TTLL9: variants seen among roughly 807,000 people sequenced by gnomAD.
TTLL9 encodes the protein tubulin tyrosine ligase like 9.
In TTLL9, 47 loss-of-function variants were observed where a neutral mutation model predicts 65.6. The observed-to-expected ratio is 0.72, with a 90% CI of 0.57 to 0.91. The LOEUF is 0.91. Among genes scored for constraint, TTLL9 ranks in the 40% least tolerant of loss-of-function variants. The pLI, the probability that TTLL9 is intolerant of heterozygous loss-of-function variation, is 0.00. For synonymous variants in TTLL9, 179 were observed against 204.8 expected, an observed-to-expected ratio of 0.87 and a Z score of 1.07; for missense variants, 537 against 568.8, an observed-to-expected ratio of 0.94 and a Z score of 0.57.
At chr20:31,904,399 C>A (rs1168659041) in intron 4 of TTLL9, among the ~76,000 whole-genome samples, 1 of 140,096 alleles carries the variant, frequency 7.1e-6, no homozygotes, top group South Asian at 2.3e-4. Flanking sequence ...ACTCTGCCGC[C>A]TAGGCTGGAG....
At chr20:31,912,082 T>C (rs777167695) in intron 6 of TTLL9, among the ~76,000 whole-genome samples, 1 of 152,088 alleles carries the variant, frequency 6.6e-6, no homozygotes, top group Non-Finnish European at 1.5e-5. Context: ...CCTTACAGGG[T>C]TGTGAGAGAA....
At chr20:31,902,728 A>G (rs1034810722) in intron 4 of TTLL9, among the ~76,000 whole-genome samples, 42 of 152,134 alleles carry the variant, frequency 2.8e-4, no homozygotes, top group Non-Finnish European at 2.5e-4. Context: ...GGGTGATATG[A>G]TAACTCTATG....
intron 10 of TTLL9, among the ~76,000 whole-genome samples, chr20:31,928,519 T>C (rs1009035230): frequency 4.0e-5 from 6 of 150,778 alleles, no homozygotes; most frequent in African/African-American, 1.5e-4. Flanking sequence ...ATATAGTTTA[T>C]ACATAATTAT....
rs762813417 is a variant in TTLL9, at chr20:31,908,585, C to G, written c.207-6C>G. 6.2e-7 allele frequency: 1 copy of G among 1,606,760 alleles called. No homozygotes were observed. The highest frequency in any genetic ancestry group is 1.1e-5 in the South Asian group (1 of 90,964). ...ACCTTTATCCCCGCCCCCACCCCAC[C>G]CCCAGCGAAGGGGAGTGGGATTTCT... is the stretch of plus-strand genomic sequence containing the variant. On this transcript the variant is annotated splice_region_variant and splice_polypyrimidine_tract_variant and intron_variant, in intron 4 of 14. Transcript: ENST00000535842.
At chr20:31,896,765 A>G (rs1030731619) in intron 3 of TTLL9, among the ~76,000 whole-genome samples, 1 of 152,064 alleles carries the variant, frequency 6.6e-6, no homozygotes, top group Admixed American at 6.6e-5. Flanking sequence ...CCTGACCTCA[A>G]GTAATCTGCC....
chr20:31,906,428 T>C (rs2063560845), intron 4 of TTLL9, among the ~76,000 whole-genome samples: 1 of 152,242 alleles, frequency 6.6e-6, no homozygotes, highest in Non-Finnish European at 1.5e-5. Context: ...AGCCTCTGGA[T>C]AAGGGATATA....
intron 14 of TTLL9, among the ~76,000 whole-genome samples, chr20:31,942,001 G>A (rs1000546652): frequency 2.0e-5 from 3 of 152,136 alleles, no homozygotes; most frequent in Non-Finnish European, 2.9e-5. Flanking sequence ...AAGAAGACTC[G>A]AGAGTTAGGA....
intron 8 of TTLL9, among the ~76,000 whole-genome samples, chr20:31,924,473 A>G (rs1276213285): frequency 5.9e-5 from 9 of 151,982 alleles, no homozygotes; most frequent in African/African-American, 2.4e-5. Flanking sequence ...CATGAAGGTC[A>G]CCACTCCCCA....
chr20:31,932,471 C>CAAAAAAAAAAAAAAAAAAAAAAA (rs58783829), intron 10 of TTLL9, among the ~76,000 whole-genome samples: 3 of 86,476 alleles, frequency 3.5e-5, no homozygotes, highest in Non-Finnish European at 2.2e-5. Flanking sequence ...GACCCTGTCT[C>CAAAAAAAAAAAAAAAAAAAAAAA]AAAAAAAAAA....
chr20:31,916,565 C>T (rs2063736350), intron 6 of TTLL9, among the ~76,000 whole-genome samples: 1 of 152,278 alleles, frequency 6.6e-6, no homozygotes, highest in Non-Finnish European at 1.5e-5. Context: ...TCTCACAGAA[C>T]AAGAAGGCTG....
intron 3 of TTLL9, among the ~76,000 whole-genome samples, chr20:31,889,612 G>A (rs566819870): frequency 5.9e-5 from 9 of 152,076 alleles, no homozygotes; most frequent in African/African-American, 1.9e-4. Context: ...TAGTAGAGAC[G>A]GAGTTTCACC....
intron 3 of TTLL9, among the ~76,000 whole-genome samples, chr20:31,890,086 T>TTCCCTC (rs1568752759): frequency 1.5e-5 from 2 of 133,118 alleles, no homozygotes; most frequent in East Asian, 2.0e-4. Context: ...CTTGCTTTCT[T>TTCCCTC]GCTTTCTTTC....
intron 2 of TTLL9, among the ~76,000 whole-genome samples, chr20:31,882,282 G>A (rs566639133): frequency 1.3e-5 from 2 of 152,334 alleles, no homozygotes; most frequent in African/African-American, 4.8e-5. Flanking sequence ...GGATCAGGCA[G>A]GAATGAAGCT....
intron 8 of TTLL9, among the ~76,000 whole-genome samples, chr20:31,924,528 A>AC (rs1382078536): frequency 1.4e-5 from 2 of 139,396 alleles, no homozygotes; most frequent in Non-Finnish European, 3.1e-5. Context: ...CCCCAAGTTG[A>AC]CCCCCACGCA....
intron 3 of TTLL9, among the ~76,000 whole-genome samples, chr20:31,888,468 T>A (rs1010740949): frequency 1.3e-5 from 2 of 152,030 alleles, no homozygotes; most frequent in Non-Finnish European, 2.9e-5. Context: ...ACCTGAGACT[T>A]TTTATTTATT....
At chr20:31,878,915 T>C (rs759504131) in intron 2 of TTLL9, among the ~76,000 whole-genome samples, 2 of 152,144 alleles carry the variant, frequency 1.3e-5, no homozygotes, top group African/African-American at 2.4e-5. Flanking sequence ...TTTAGTCAAT[T>C]TTGACAAATG....
intron 6 of TTLL9, among the ~76,000 whole-genome samples, chr20:31,912,776 C>A (rs2063677118): frequency 6.6e-6 from 1 of 152,030 alleles, no homozygotes. Flanking sequence ...AGAATTGCTT[C>A]TTTTTCAGGA....
In TTLL9 at chr20:31,938,199, C is replaced by T. The variant is rs144115350; in HGVS notation, c.1118+690C>T. ...TCCAGCAGAAGTTTGAGGGCTGATT[C>T]TCCTTGCTGGTAACTGGGACACATT... On this transcript the variant is annotated intron_variant, in intron 13 of 14. Coordinates refer to ENST00000535842, the MANE Select transcript of TTLL9 (RefSeq NM_001008409.5). 6.9e-4 allele frequency: 316 copies of T among 456,040 alleles called. 1 individual carries two copies. Among genetic ancestry groups the T allele is most frequent in the African/African-American group, 6.1e-3 (304 of 49,800 alleles). 28.2% of individuals were successfully genotyped at this position (456,040 alleles called of 1,614,324 possible).
At chr20:31,894,157 G>A (rs1176921590) in intron 3 of TTLL9, among the ~76,000 whole-genome samples, 1 of 136,806 alleles carries the variant, frequency 7.3e-6, no homozygotes, top group Non-Finnish European at 1.5e-5. Flanking sequence ...AGGCTGGAGT[G>A]CAGTGGTGCG....
Sources: allele counts gnomAD v4.1 joint callset (sites outside exome capture counted in the v4.1 genomes callset), GRCh38; gene constraint gnomAD v4.1.1; transcripts MANE v1.5; gene names NCBI Gene and HGNC (gene_info 2026-07-23, HGNC 2026-07-21).